ANO2: variants seen among roughly 807,000 people sequenced by gnomAD.
The protein encoded by ANO2 is anoctamin 2.
A neutral mutation model predicts 124.2 loss-of-function variants in ANO2; 101 were observed. That is an observed-to-expected ratio of 0.81 (90% confidence interval 0.69 to 0.96). The LOEUF is 0.96. ANO2 is among the 40% of genes least tolerant of loss of function. The pLI is 0.00. For missense variants in ANO2, 1,293 were observed against 1,274.5 expected, an observed-to-expected ratio of 1.01 and a Z score of -0.22; for synonymous variants, 486 against 482.5, an observed-to-expected ratio of 1.01 and a Z score of -0.09.
intron 9 of ANO2, 132 bp downstream of exon 9, chr12:5,805,920 G>C (rs1038147824): frequency 2.0e-5 from 17 of 840,036 alleles, no homozygotes; most frequent in South Asian, 6.1e-5. Context: ...TGGGGGAAAG[G>C]GGGGAGCTGG....
At chr12:5,617,325 C>A (rs1463694209) in intron 16 of ANO2, among the ~76,000 whole-genome samples, 1 of 151,958 alleles carries the variant, frequency 6.6e-6, no homozygotes, top group African/African-American at 2.4e-5. Context: ...GTATCACAAC[C>A]TCAAGCTCAC....
intron 14 of ANO2, among the ~76,000 whole-genome samples, chr12:5,670,329 G>A (rs1195239777): frequency 2.6e-5 from 4 of 152,134 alleles, no homozygotes; most frequent in Non-Finnish European, 5.9e-5. Context: ...ACTCTGGAGG[G>A]CACTTCCATG....
At chr12:5,671,907 C>A (rs767539750) in intron 14 of ANO2, among the ~76,000 whole-genome samples, 1 of 152,144 alleles carries the variant, frequency 6.6e-6, no homozygotes, top group Non-Finnish European at 1.5e-5. Flanking sequence ...CATTGCTTGG[C>A]CAAACCAGAA....
rs1216544376 is a variant in ANO2, at chr12:5,578,416, T to A, written c.2336A>T (p.Lys779Met). The A allele has an allele frequency of 6.2e-7, 1 of 1,613,962 alleles. No homozygotes were observed. The highest frequency in any genetic ancestry group is 8.5e-7 in the Non-Finnish European group (1 of 1,179,876). The part of the protein sequence containing the change: ...NVIEVRLDAK[K>M]FVTELRRPDA... ...CGGCCGTCTCAGCTCTGTAACAAAC[T>A]TCTTTGCATCGAGCCGCACTTCAAT... The change falls in exon 21 of 25, where the codon AAG becomes ATG. Residue 779 changes from lysine to methionine, a missense_variant. By Grantham distance (95) the Lys-to-Met change is moderately conservative. Transcript: ENST00000682330.
In ANO2 at chr12:5,744,128, T is replaced by C. The variant is rs184634034; in HGVS notation, c.1351+29A>G. ...TGTGCCCATGTAAAGGAACCACCCATATAAGCAAGCCTGGTGATGGCCACA... is the reference window on the plus strand; with the variant it reads ...TGTGCCCATGTAAAGGAACCACCCACATAAGCAAGCCTGGTGATGGCCACA... On this transcript the variant is annotated intron_variant, in intron 12 of 24. Transcript: ENST00000682330. 2,125 of 1,613,370 alleles carry C rather than the reference T, an allele frequency of 1.3e-3. 3 individuals carry two copies. Among genetic ancestry groups the C allele is most frequent in the Non-Finnish European group, 1.7e-3 (2,012 of 1,179,540 alleles).
chr12:5,646,360 T>A (rs10735051), intron 15 of ANO2, among the ~76,000 whole-genome samples: 57,712 of 152,102 alleles, frequency 0.38, 11,547 homozygotes, highest in East Asian at 0.55. Flanking sequence ...TCCAATTTTT[T>A]AAAATAAATT....
At chr12:5,893,171 A>C (rs1939527414) in intron 3 of ANO2, among the ~76,000 whole-genome samples, 1 of 152,194 alleles carries the variant, frequency 6.6e-6, no homozygotes, top group Non-Finnish European at 1.5e-5. Flanking sequence ...TCTTCTGGAC[A>C]TTGGCTTAGG....
At chr12:5,687,072 T>C (rs3782636) in intron 14 of ANO2, among the ~76,000 whole-genome samples, 56,887 of 152,104 alleles carry the variant, frequency 0.37, 12,396 homozygotes, top group East Asian at 0.59. Context: ...CTAGGAAATA[T>C]AGAAAATCAT....
intron 12 of ANO2, 103 bp from the exon 13 acceptor site, chr12:5,739,502 T>A (rs899183323): frequency 2.1e-6 from 2 of 930,876 alleles, no homozygotes; most frequent in Non-Finnish European, 3.3e-6. Context: ...TATTTTAAAT[T>A]TAGGAGCTCT....
At chr12:5,641,824 T>C (rs916931700) in intron 15 of ANO2, among the ~76,000 whole-genome samples, 3 of 152,252 alleles carry the variant, frequency 2.0e-5, no homozygotes, top group Non-Finnish European at 4.4e-5. Flanking sequence ...GAGATAATTA[T>C]GTATTATTTG....
intron 14 of ANO2, among the ~76,000 whole-genome samples, chr12:5,663,765 T>A (rs1228359468): frequency 5.3e-5 from 8 of 152,202 alleles, no homozygotes; most frequent in Non-Finnish European, 8.8e-5. Context: ...AGGAATTTGT[T>A]CTGACCCTCA....
intron 4 of ANO2, among the ~76,000 whole-genome samples, chr12:5,852,154 C>A (rs1279219473): frequency 6.6e-6 from 1 of 152,114 alleles, no homozygotes; most frequent in Non-Finnish European, 1.5e-5. Context: ...GAAGCCTCCA[C>A]CCAAAGCTGA....
At chr12:5,830,276 T>G (rs906220413) in intron 6 of ANO2, among the ~76,000 whole-genome samples, 159 bp downstream of exon 6, 2 of 152,134 alleles carry the variant, frequency 1.3e-5, no homozygotes, top group Non-Finnish European at 2.9e-5. Context: ...CTGTTTCTTT[T>G]GGGGAATGGG....
chr12:5,683,192 C>T (rs1162168631), intron 14 of ANO2, among the ~76,000 whole-genome samples: 1 of 152,194 alleles, frequency 6.6e-6, no homozygotes, highest in African/African-American at 2.4e-5. Context: ...CTTCCATCTC[C>T]TTCTCTCTAT....
intron 13 of ANO2, among the ~76,000 whole-genome samples, chr12:5,733,365 G>A (rs1196345118): frequency 2.0e-5 from 3 of 152,176 alleles, no homozygotes; most frequent in South Asian, 4.1e-4. Context: ...TGCAGATGCC[G>A]GGGTAGGAAA....
At chr12:5,687,722 C>CA (rs1470034626) in intron 14 of ANO2, among the ~76,000 whole-genome samples, 1 of 152,224 alleles carries the variant, frequency 6.6e-6, no homozygotes, top group Non-Finnish European at 1.5e-5. Flanking sequence ...AACATGCTTA[C>CA]AGACATGATC....
At chr12:5,726,701 T>G (rs1565613535) in intron 14 of ANO2, among the ~76,000 whole-genome samples, 1 of 152,218 alleles carries the variant, frequency 6.6e-6, no homozygotes, top group Non-Finnish European at 1.5e-5. Flanking sequence ...ACTTATAATT[T>G]TATCATTATT....
chr12:5,590,912 C>T (rs995462333), intron 20 of ANO2, among the ~76,000 whole-genome samples: 1 of 152,144 alleles, frequency 6.6e-6, no homozygotes, highest in Non-Finnish European at 1.5e-5. Context: ...AGCGGCCGAG[C>T]GTGGTGGCTC....
At chr12:5,846,413 G>C (rs1181877359) in intron 4 of ANO2, among the ~76,000 whole-genome samples, 2 of 152,180 alleles carry the variant, frequency 1.3e-5, no homozygotes, top group African/African-American at 4.8e-5. Context: ...AGTTATCTTA[G>C]AATCTGCAAA....
Sources: gnomAD v4.1 joint callset for allele counts (sites outside exome capture counted in the v4.1 genomes callset) on GRCh38, gnomAD v4.1.1 for gene constraint, MANE v1.5 for transcripts, NCBI Gene and HGNC (gene_info 2026-07-23, HGNC 2026-07-21) for gene names.